Variants in QSOX1 observed in about 807,000 individuals in gnomAD.
QSOX1 encodes the protein quiescin sulfhydryl oxidase 1, also known as sulfhydryl oxidase 1.
Under a neutral mutation model 76.1 loss-of-function variants are expected in QSOX1, and 40 were observed. The observed-to-expected ratio is 0.53, with a 90% confidence interval of 0.41 to 0.68. The LOEUF is 0.68. QSOX1 is among the 30% of genes least tolerant of loss of function. The pLI is 0.00. For missense variants in QSOX1, 931 were observed against 974.3 expected (o/e 0.96, Z 0.59); for synonymous variants, 392 against 413.1 (o/e 0.95, Z 0.62).
intron 3 of QSOX1, among the ~76,000 whole-genome samples, chr1:180,175,649 C>T (rs1428371534): frequency 6.6e-6 from 1 of 152,140 alleles, no homozygotes; most frequent in Non-Finnish European, 1.5e-5. Flanking sequence ...ATGGGGTTGG[C>T]GCCCAGAGAG....
intron 1 of QSOX1, among the ~76,000 whole-genome samples, chr1:180,166,135 C>A (rs1662612606): frequency 6.6e-6 from 1 of 151,324 alleles, no homozygotes; most frequent in Non-Finnish European, 1.5e-5. Context: ...AATACCAGGG[C>A]TTTTCCTGGG....
At chr1:180,171,847 A>G (rs1662766641) in intron 2 of QSOX1, among the ~76,000 whole-genome samples, 1 of 152,236 alleles carries the variant, frequency 6.6e-6, no homozygotes, top group Non-Finnish European at 1.5e-5. Flanking sequence ...CGTGAAAGCA[A>G]CAAAGGAGAG....
rs1663589286 is a variant in QSOX1, at chr1:180,199,673, TG to T, written c.*2640del. The T allele has an allele frequency of 6.6e-6, 1 of 151,980 alleles. No individual in the cohort carries two copies. Among genetic ancestry groups the T allele is most frequent in the South Asian group, 2.1e-4 (1 of 4,814 alleles). 9.4% of individuals were successfully genotyped at this position (151,980 alleles called of 1,614,324 possible). On this transcript the variant is annotated 3_prime_UTR_variant, in exon 12 of 12. Coordinates refer to ENST00000367602, the MANE Select transcript of QSOX1 (RefSeq NM_002826.5). Reference sequence around the variant, plus strand: ...AACAGATACGTGGTCCCTGCTGCTATGGGGCTTCCGTTCTAGAGGCAAGGAC... The same window carrying T: ...AACAGATACGTGGTCCCTGCTGCTATGGGCTTCCGTTCTAGAGGCAAGGAC...
chr1:180,156,761 T>C (rs888839502), intron 1 of QSOX1, among the ~76,000 whole-genome samples: 1 of 152,070 alleles, frequency 6.6e-6, no homozygotes. Flanking sequence ...TGTCAACACA[T>C]CTGGTCAGGG....
In QSOX1 at chr1:180,154,904, G is replaced by A. The variant is rs1447927871; in HGVS notation, c.-4G>A. 5.6e-6 allele frequency: 8 copies of A among 1,434,584 alleles called. No individual in the cohort carries two copies. The Admixed American group carries it at 8.4e-5, about 15-fold the overall frequency. The allele number at this position is 1,434,584 out of a possible 1,614,324, so 88.9% of individuals were successfully genotyped here. A position where few individuals can be genotyped will look rare whatever the true frequency, so the allele number is the denominator to read the frequency against. ...TGCGTGTGGTGGTGAGCGCAGCGCC[G>A]AGGATGAGGAGGTGCAACAGCGGCT... On this transcript the variant is annotated 5_prime_UTR_variant, in exon 1 of 12. Coordinates refer to ENST00000367602, the MANE Select transcript of QSOX1 (RefSeq NM_002826.5).
chr1:180,168,493 C>G (rs1266388949), intron 2 of QSOX1, among the ~76,000 whole-genome samples: 1 of 152,238 alleles, frequency 6.6e-6, no homozygotes, highest in Non-Finnish European at 1.5e-5. Flanking sequence ...TGGCAGGTCT[C>G]TGCTCTGAGG....
Position 180,196,773 on chromosome 1 carries a change from C to G in QSOX1, c.1980C>G (p.Asn660Lys). Reference sequence around the variant, plus strand: ...TGGCTGAGTCCAGGGCTGAGAAGAACCGCCTCTGGGGCCCTTTGGAGGTCA... The same window carrying G: ...TGGCTGAGTCCAGGGCTGAGAAGAAGCGCCTCTGGGGCCCTTTGGAGGTCA... ...ALLAESRAEK[N>K]RLWGPLEVRR... The change falls in exon 12 of 12, where the codon AAC becomes AAG. Residue 660 changes from asparagine (N) to lysine (K), a missense_variant. By Grantham distance (94) the Asn-to-Lys change is moderately conservative. Transcript: ENST00000367602. This position sits in a 1 kb window ranked among gnomAD's most constrained non-coding sequence, Gnocchi z 4.1. 1 of 1,614,164 alleles carries G rather than the reference C, an allele frequency of 6.2e-7. No homozygotes were observed. The highest frequency in any genetic ancestry group is 8.5e-7 in the Non-Finnish European group (1 of 1,180,008).
Position 180,196,326 on chromosome 1 carries a change from C to T in QSOX1, c.1533C>T (p.Ala511=). Residue 511 remains alanine, a synonymous_variant, in exon 12 of 12, where the codon GCC becomes GCT. Coordinates refer to ENST00000367602, the MANE Select transcript of QSOX1 (RefSeq NM_002826.5). The surrounding 1 kb of genome is among the most constrained non-coding windows in gnomAD (Gnocchi z 4.1). ...VQWPPRELCS[A]CHNERLDVPV... Reference sequence around the variant, plus strand: ...GGCCACCCCGTGAACTTTGTTCTGCCTGCCACAATGAACGCCTGGATGTGC... The same window carrying T: ...GGCCACCCCGTGAACTTTGTTCTGCTTGCCACAATGAACGCCTGGATGTGC... The T allele has an allele frequency of 6.2e-7, 1 of 1,614,184 alleles. No homozygotes were observed. The highest frequency in any genetic ancestry group is 1.3e-5 in the African/African-American group (1 of 75,030).
At chr1:180,160,917 G>A (rs114071966) in intron 1 of QSOX1, among the ~76,000 whole-genome samples, 1 of 152,158 alleles carries the variant, frequency 6.6e-6, no homozygotes, top group East Asian at 1.9e-4. Context: ...GTTATTGGAA[G>A]AAACTGGAAG....
At chr1:180,173,783 G>A (rs1464748526) in intron 2 of QSOX1, among the ~76,000 whole-genome samples, 1 of 152,228 alleles carries the variant, frequency 6.6e-6, no homozygotes, top group Non-Finnish European at 1.5e-5. Flanking sequence ...TGATGGTACA[G>A]TTAACATGTA....
rs1663566140 is a variant in QSOX1 at position 180,198,662 on chromosome 1, T to G, written c.*1625T>G. ...CTCGACCTCTTTAGCTGCAGCGCCTTGCTGGGCTCCTGGGTTGGACTCCCT... is the reference window on the plus strand; with the variant it reads ...CTCGACCTCTTTAGCTGCAGCGCCTGGCTGGGCTCCTGGGTTGGACTCCCT... On this transcript the variant is annotated 3_prime_UTR_variant, in exon 12 of 12. Coordinates refer to ENST00000367602, the MANE Select transcript of QSOX1 (RefSeq NM_002826.5). The G allele has an allele frequency of 2.9e-6, 1 of 339,954 alleles. No individual in the cohort carries two copies. Among genetic ancestry groups the G allele is most frequent in the Admixed American group, 3.8e-5 (1 of 25,978 alleles). The allele number at this position is 339,954 out of a possible 1,614,324, so 21.1% of individuals were successfully genotyped here.
chr1:180,189,499 G>A lies in QSOX1; in HGVS notation c.1018-53G>A, dbSNP rs888227648. The A allele has an allele frequency of 4.6e-6, 7 of 1,524,618 alleles. No homozygotes were observed. The African/African-American group carries it at 8.3e-5, about 18-fold the overall frequency. 94.4% of individuals were successfully genotyped at this position (1,524,618 alleles called of 1,614,324 possible). On this transcript the variant is annotated intron_variant, in intron 8 of 11. Coordinates refer to ENST00000367602, the MANE Select transcript of QSOX1 (RefSeq NM_002826.5). The stretch of plus-strand genomic sequence containing the variant: ...AGCTTCCTACCATCTGCAGGACGGG[G>A]AACTTGGGGAATTGCTTTTCACTCT...
At chr1:180,158,477 G>T (rs1662419819) in intron 1 of QSOX1, among the ~76,000 whole-genome samples, 1 of 152,208 alleles carries the variant, frequency 6.6e-6, no homozygotes, top group Non-Finnish European at 1.5e-5. Flanking sequence ...AGAACCTTCT[G>T]CTGGTGCCGT....
At position 180,183,879 on chromosome 1, in the gene QSOX1, C is replaced by G. The variant is rs373914936; in HGVS notation, c.753-37C>G. 4 of 1,593,840 alleles carry G rather than the reference C, an allele frequency of 2.5e-6. No homozygotes were observed. The African/African-American group carries it at 4.0e-5, about 16-fold the overall frequency. ...GTTAGCTCTAATCTTGTTCTCTGCA[C>G]TTACTGCCTCTCCTCCCTGGTTCTG... On this transcript the variant is annotated intron_variant, in intron 6 of 11. Coordinates refer to ENST00000367602, the MANE Select transcript of QSOX1 (RefSeq NM_002826.5).
intron 2 of QSOX1, among the ~76,000 whole-genome samples, chr1:180,174,134 G>A (rs1264820365): frequency 6.6e-6 from 1 of 152,230 alleles, no homozygotes; most frequent in Non-Finnish European, 1.5e-5. Context: ...AGTCCCACAG[G>A]AAGAAGCCTC....
intron 1 of QSOX1, among the ~76,000 whole-genome samples, chr1:180,165,404 T>A (rs1046735387): frequency 5.3e-5 from 8 of 152,254 alleles, no homozygotes; most frequent in Admixed American, 2.0e-4. Flanking sequence ...CAGTCTGGTC[T>A]CTTCTTGCTC....
In QSOX1 at chr1:180,184,801, A is replaced by G. The variant is rs117336997; in HGVS notation, c.887+751A>G. 2.3e-3 allele frequency among the ~76,000 whole-genome samples: 355 copies of G among 152,294 alleles called. 8 individuals are homozygous for G. The East Asian group carries it at 0.043, about 18-fold the overall frequency. On this transcript the variant is annotated intron_variant, in intron 7 of 11. Coordinates refer to ENST00000367602, the MANE Select transcript of QSOX1 (RefSeq NM_002826.5). Reference sequence around the variant, plus strand: ...TGGGGGAAAGGTGATTGCAAGAAGGACTTTGCATCCTAGCATGAGGGACTT... The same window carrying G: ...TGGGGGAAAGGTGATTGCAAGAAGGGCTTTGCATCCTAGCATGAGGGACTT...
chr1:180,164,586 T>C (rs1160223584), intron 1 of QSOX1, among the ~76,000 whole-genome samples: 1 of 152,192 alleles, frequency 6.6e-6, no homozygotes, highest in Non-Finnish European at 1.5e-5. Context: ...CTTAGTTGCC[T>C]TCTTTCCAGG....
At chr1:180,177,157 A>AC (rs1272869465) in intron 4 of QSOX1, among the ~76,000 whole-genome samples, 5 of 151,398 alleles carry the variant, frequency 3.3e-5, no homozygotes, top group Non-Finnish European at 7.4e-5. Flanking sequence ...CCCTCCTTAC[A>AC]CACACACGTA....
Sources: allele counts gnomAD v4.1 joint callset (sites outside exome capture counted in the v4.1 genomes callset), GRCh38; gene constraint gnomAD v4.1.1; non-coding constraint Gnocchi (gnomAD v3.1); transcripts MANE v1.5; gene names NCBI Gene and HGNC (gene_info 2026-07-23, HGNC 2026-07-21).